The following IL16 variants were observed in gnomAD, a reference collection of about 807,000 sequenced individuals.
IL16 encodes the protein interleukin 16.
Under a neutral mutation model 110.1 loss-of-function variants are expected in IL16, and 67 were observed. That is an observed-to-expected ratio of 0.61 (90% CI 0.50 to 0.75). The LOEUF is 0.75. IL16 is among the 30% of genes least tolerant of loss of function. The probability of loss-of-function intolerance (pLI) is 0.00; values close to 1 mark genes in which losing one functional copy is unlikely to be tolerated. For synonymous variants in IL16, 689 were observed against 662.9 expected (o/e 1.04, Z -0.61); for missense variants, 1,545 against 1,655.0 (o/e 0.93, Z 1.15).
rs1898547825 is a variant in IL16 at position 81,269,658 on chromosome 15, G to A, written c.675+10G>A. On this transcript the variant is annotated intron_variant, in intron 5 of 18. Transcript: ENST00000683961. ...GAAGGGCCAGGCTAAGGTGAGAAGG[G>A]ATTGTGGCCAACAGGAAGTCCTGGG... is the stretch of plus-strand genomic sequence containing the variant. 6.3e-7 allele frequency: 1 copy of A among 1,596,980 alleles called. No homozygotes were observed. The highest frequency in any genetic ancestry group is 2.2e-5 in the East Asian group (1 of 44,800).
At position 81,202,299 on chromosome 15, in the gene IL16, T is replaced by C. The variant is rs563682992; in HGVS notation, c.-102+5147T>C. On this transcript the variant is annotated intron_variant, in intron 1 of 18. Transcript: ENST00000683961. ...CTGGAGTAGCATCAGATGAGTGCTTTGGTAGTGGAAGAACCTGTTCTCAGA... is the reference window on the plus strand; with the variant it reads ...CTGGAGTAGCATCAGATGAGTGCTTCGGTAGTGGAAGAACCTGTTCTCAGA... Among the ~76,000 whole-genome samples, 4 of 152,312 alleles carry C rather than the reference T, an allele frequency of 2.6e-5. No homozygotes were observed. The South Asian group carries it at 8.3e-4, about 32-fold the overall frequency.
intron 5 of IL16, among the ~76,000 whole-genome samples, chr15:81,270,978 G>A (rs1001555747): frequency 2.0e-5 from 3 of 152,176 alleles, no homozygotes; most frequent in African/African-American, 4.8e-5. Context: ...AGCAGGGGGA[G>A]GAGGAGTTAG....
At chr15:81,269,720 G>A in intron 5 of IL16, 72 bp downstream of exon 5, 3 of 1,068,692 alleles carry the variant, frequency 2.8e-6, no homozygotes, top group Non-Finnish European at 4.4e-6. Context: ...CTGTGTCCAG[G>A]GAAGGATGGG....
At chr15:81,196,855 G>A (rs564616028), upstream of IL16, 11 of 1,150,886 alleles carry the variant, frequency 9.6e-6, no homozygotes, top group East Asian at 7.4e-5. Context: ...AGGAGTCTTC[G>A]AGCAAATCCA....
intron 1 of IL16, among the ~76,000 whole-genome samples, chr15:81,221,272 G>A (rs1180766087): frequency 1.3e-5 from 2 of 152,082 alleles, no homozygotes; most frequent in African/African-American, 2.4e-5. Flanking sequence ...AACCTTCATT[G>A]TGCTTCCCCC....
At chr15:81,183,048 T>TGTGTGTGCACACGTGTAA (rs1566985516) in intron 1 of IL16, among the ~76,000 whole-genome samples, 2 of 151,960 alleles carry the variant, frequency 1.3e-5, no homozygotes, top group South Asian at 2.1e-4. Flanking sequence ...CACGTGTGAG[T>TGTGTGTGCACACGTGTAA]GTGTGTGCAC....
At chr15:81,284,385 T>C (rs941415880) in intron 9 of IL16, among the ~76,000 whole-genome samples, 8 of 152,210 alleles carry the variant, frequency 5.3e-5, no homozygotes, top group African/African-American at 1.9e-4. Context: ...GGATTTGCTG[T>C]TATCTGCGGG....
Position 81,301,396 on chromosome 15 carries a change from G to C in IL16, c.3202G>C (p.Asp1068His), listed in dbSNP as rs780126340. ...TEGLTEAKED[D>H]DGDHSSLQSG... ...GGGTCTCACGGAAGCCAAGGAAGAC[G>C]ATGATGGGGACCACAGTTCCCTTCA... The change falls in exon 15 of 19, where the codon GAT (aspartate) becomes CAT (histidine). Residue 1068 changes from aspartate (D) to histidine (H), a missense_variant. Coordinates refer to ENST00000683961, the MANE Select transcript of IL16 (RefSeq NM_172217.5). The C allele has an allele frequency of 4.3e-6, 7 of 1,613,978 alleles. No individual in the cohort carries two copies. Among genetic ancestry groups the C allele is most frequent in the Non-Finnish European group, 5.9e-6 (7 of 1,179,950 alleles).
intron 2 of IL16, among the ~76,000 whole-genome samples, chr15:81,232,042 G>GTTTTTTTTTTTGTTTTTTTTTTTTCTTTT (rs1897009850): frequency 3.5e-5 from 2 of 57,694 alleles, no homozygotes; most frequent in Non-Finnish European, 6.7e-5. Context: ...ATTTGTTCTT[G>GTTTTTTTTTTTGTTTTTTTTTTTTCTTTT]TTTTTTTTTT....
In IL16 at chr15:81,225,299, G is replaced by A; in HGVS notation, c.-101G>A. ...TCTTCCCATTTCCTCTTTCCTCTAG[G>A]GACTCATGAAGTGGCAGCTAAGCCC... On this transcript the variant is annotated splice_region_variant and 5_prime_UTR_variant, in exon 2 of 19. Coordinates refer to ENST00000683961, the MANE Select transcript of IL16 (RefSeq NM_172217.5). 1 of 1,528,712 alleles carries A rather than the reference G, an allele frequency of 6.5e-7. No homozygotes were observed. Among genetic ancestry groups the A allele is most frequent in the Non-Finnish European group, 8.8e-7 (1 of 1,141,998 alleles). 94.7% of individuals were successfully genotyped at this position (1,528,712 alleles called of 1,614,324 possible).
intron 12 of IL16, among the ~76,000 whole-genome samples, chr15:81,296,408 C>T (rs1329444394): frequency 6.6e-6 from 1 of 152,234 alleles, no homozygotes; most frequent in Admixed American, 6.5e-5. Flanking sequence ...AGCAATGGCA[C>T]AGGTGCTGAG....
chr15:81,273,574 G>A lies in IL16; in HGVS notation c.790+370G>A, dbSNP rs28452992. Among the ~76,000 whole-genome samples, 474 of 152,102 alleles carry A rather than the reference G, an allele frequency of 3.1e-3. 1 individual carries two copies. The highest frequency in any genetic ancestry group is 0.01 in the African/African-American group (418 of 41,498). ...GATCCTGTCTCAGTTGCTGGGATCC[G>A]TTAACACCCCCTCTCCTTCATTCTC... On this transcript the variant is annotated intron_variant, in intron 6 of 18. Transcript: ENST00000683961.
At chr15:81,229,709 C>T (rs1310511494) in intron 2 of IL16, among the ~76,000 whole-genome samples, 1 of 152,128 alleles carries the variant, frequency 6.6e-6, no homozygotes, top group East Asian at 1.9e-4. Flanking sequence ...CTCAATAGCC[C>T]ACACCCACTC....
chr15:81,285,176 G>C (rs1375413701), intron 9 of IL16, among the ~76,000 whole-genome samples: 1 of 151,660 alleles, frequency 6.6e-6, no homozygotes, highest in Non-Finnish European at 1.5e-5. Flanking sequence ...CTTTTTGCAA[G>C]AATCTCAACT....
At chr15:81,291,376 G>A (rs891404335) in intron 11 of IL16, among the ~76,000 whole-genome samples, 2 of 152,066 alleles carry the variant, frequency 1.3e-5, no homozygotes, top group African/African-American at 4.8e-5. Context: ...CAGGTGAAGT[G>A]AATTTTTACT....
chr15:81,297,711 G>A (rs950224815), intron 13 of IL16, among the ~76,000 whole-genome samples: 2 of 152,132 alleles, frequency 1.3e-5, no homozygotes, highest in African/African-American at 4.8e-5. Context: ...GGAAGAGCAC[G>A]TAGACCCCAA....
At position 81,306,108 on chromosome 15, in the gene IL16, C is replaced by T. The variant is rs1900541021; in HGVS notation, c.3621C>T (p.Asn1207=). 2 of 1,614,086 alleles carry T rather than the reference C, an allele frequency of 1.2e-6. No individual in the cohort carries two copies. The highest frequency in any genetic ancestry group is 1.1e-5 in the South Asian group (1 of 91,084). ...CTCCAGAGGCCATGCCCGACCTCAA[C>T]TCCTCCACTGACTCTGCAGCCTCAG... ...KLTPEAMPDL[N]SSTDSAASAS... The change falls in exon 17 of 19, where the codon AAC becomes AAT. Residue 1207 remains asparagine (N), a synonymous_variant. Coordinates refer to ENST00000683961, the MANE Select transcript of IL16 (RefSeq NM_172217.5).
At chr15:81,300,552 T>C (rs1398844822) in intron 14 of IL16, 77 bp downstream of exon 14, 1 of 888,492 alleles carries the variant, frequency 1.1e-6, no homozygotes, top group East Asian at 2.8e-5. Context: ...AAAATAATCC[T>C]ATATATAATT....
At chr15:81,216,640 C>G (rs1410826909) in intron 1 of IL16, among the ~76,000 whole-genome samples, 1 of 143,848 alleles carries the variant, frequency 7.0e-6, no homozygotes, top group African/African-American at 2.8e-5. Flanking sequence ...CCACATCTGT[C>G]TGTCTTAGCA....
Sources: gnomAD v4.1 joint callset for allele counts (sites outside exome capture counted in the v4.1 genomes callset) on GRCh38, gnomAD v4.1.1 for gene constraint, MANE v1.5 for transcripts, NCBI Gene and HGNC (gene_info 2026-07-23, HGNC 2026-07-21) for gene names.